The following CTNNA2 variants were observed in gnomAD, a reference collection of about 807,000 sequenced individuals.
The protein encoded by CTNNA2 is catenin alpha-2.
Under a neutral mutation model 101.0 loss-of-function variants are expected in CTNNA2, and 42 were observed. The observed-to-expected ratio is 0.42, with a 90% CI of 0.32 to 0.54. The LOEUF is 0.54. CTNNA2 is among the 20% of genes least tolerant of loss of function. The pLI is 0.14. For synonymous variants in CTNNA2, 450 were observed against 456.4 expected (o/e 0.99, Z 0.18); for missense variants, 871 against 1,223.1 (o/e 0.71, Z 4.29).
At chr2:79,294,167 C>T (rs968827818) in intron 2 of CTNNA2, among the ~76,000 whole-genome samples, 1 of 148,188 alleles carries the variant, frequency 6.7e-6, no homozygotes, top group Non-Finnish European at 1.5e-5. Flanking sequence ...CCTCGCATGG[C>T]AGACAGAGAG....
chr2:80,447,544 GA>G (rs1376616899), intron 9 of CTNNA2, among the ~76,000 whole-genome samples: 3 of 152,198 alleles, frequency 2.0e-5, no homozygotes, highest in Non-Finnish European at 2.9e-5. Context: ...TGTATGCACA[GA>G]TGCTCTGATA....
chr2:79,352,179 T>G (rs1399463986), intron 3 of CTNNA2, among the ~76,000 whole-genome samples: 1 of 152,218 alleles, frequency 6.6e-6, no homozygotes, highest in Admixed American at 6.5e-5. Flanking sequence ...GTCGTGATAA[T>G]TAGCATTTTT....
intron 7 of CTNNA2, among the ~76,000 whole-genome samples, chr2:79,956,627 T>C (rs1177154195): frequency 6.6e-6 from 1 of 152,162 alleles, no homozygotes; most frequent in Non-Finnish European, 1.5e-5. Flanking sequence ...AGAGAGAATT[T>C]ATCGAACCCA....
rs529334117 is a variant in CTNNA2, at chr2:80,102,087, C to A, written c.1056+192290C>A. Among the ~76,000 whole-genome samples the A allele has an allele frequency of 1.6e-4, 25 of 152,290 alleles. No individual in the cohort carries two copies. In the East Asian group the frequency reaches 1.9e-3, roughly 12 times the overall value. On this transcript the variant is annotated intron_variant, in intron 7 of 18. Coordinates refer to ENST00000402739, the MANE Select transcript of CTNNA2 (RefSeq NM_001282597.3). ...GGCACCATGTGTGTGTGGCTTTGCT[C>A]CCTCTTGAGTTGCAGTCTCTCTGAC...
intron 1 of CTNNA2, among the ~76,000 whole-genome samples, chr2:79,194,848 T>A (rs1673938364): frequency 6.6e-6 from 1 of 152,238 alleles, no homozygotes; most frequent in Non-Finnish European, 1.5e-5. Context: ...GGATTATGTT[T>A]GGCAGTGGAA....
At chr2:79,332,802 A>G (rs1427835690) in intron 3 of CTNNA2, among the ~76,000 whole-genome samples, 2 of 152,170 alleles carry the variant, frequency 1.3e-5, no homozygotes, top group Non-Finnish European at 2.9e-5. Flanking sequence ...TCGGAATAGT[A>G]TAGATCCTGG....
In CTNNA2 at chr2:80,647,581, C is replaced by G. The variant is rs530005496; in HGVS notation, c.2575-4C>G. ...ACATGTATCTCATTCTTTTCCTACTCTAGCTGGACAGTGCCACATCGCTTA... is the reference window on the plus strand; with the variant it reads ...ACATGTATCTCATTCTTTTCCTACTGTAGCTGGACAGTGCCACATCGCTTA... On this transcript the variant is annotated splice_region_variant and splice_polypyrimidine_tract_variant and intron_variant, in intron 18 of 18. Coordinates refer to ENST00000402739, the MANE Select transcript of CTNNA2 (RefSeq NM_001282597.3). 373 of 1,602,754 alleles carry G rather than the reference C, an allele frequency of 2.3e-4. 6 individuals carry two copies. The South Asian group carries it at 4.1e-3, about 17-fold the overall frequency.
intron 3 of CTNNA2, among the ~76,000 whole-genome samples, chr2:79,362,268 C>G (rs1219923317): frequency 6.6e-6 from 1 of 152,156 alleles, no homozygotes; most frequent in Non-Finnish European, 1.5e-5. Context: ...TATTCCAGCT[C>G]ACGGTCATAG....
At chr2:79,699,325 A>T (rs185275495) in intron 2 of CTNNA2, among the ~76,000 whole-genome samples, 1 of 152,116 alleles carries the variant, frequency 6.6e-6, no homozygotes, top group African/African-American at 2.4e-5. Flanking sequence ...ATTCATTAAT[A>T]AGATGAGGAT....
chr2:80,300,167 C>T (rs913068022), intron 7 of CTNNA2, among the ~76,000 whole-genome samples: 1 of 152,038 alleles, frequency 6.6e-6, no homozygotes, highest in East Asian at 1.9e-4. Flanking sequence ...TCTTCTAGAA[C>T]ACTAATAGTC....
intron 7 of CTNNA2, among the ~76,000 whole-genome samples, chr2:80,284,099 C>T (rs886445260): frequency 1.3e-5 from 2 of 152,116 alleles, no homozygotes; most frequent in Non-Finnish European, 2.9e-5. Flanking sequence ...AAGCATTATA[C>T]ATTTAGCGGG....
At chr2:79,250,431 T>C (rs1674755592) in intron 2 of CTNNA2, among the ~76,000 whole-genome samples, 1 of 152,104 alleles carries the variant, frequency 6.6e-6, no homozygotes, top group Non-Finnish European at 1.5e-5. Context: ...TGGGTTTACT[T>C]GGAAAGGGTT....
chr2:80,472,248 T>C (rs1453896804), intron 9 of CTNNA2, among the ~76,000 whole-genome samples: 1 of 152,154 alleles, frequency 6.6e-6, no homozygotes, highest in Non-Finnish European at 1.5e-5. Context: ...AGGATGATTA[T>C]GGTGATCCTG....
intron 1 of CTNNA2, among the ~76,000 whole-genome samples, chr2:79,583,678 G>T (rs1010780810): frequency 3.9e-5 from 6 of 151,956 alleles, no homozygotes. Flanking sequence ...CTACATCTTT[G>T]CCAGTACTTG....
At chr2:79,952,864 T>G (rs1231162446) in intron 7 of CTNNA2, among the ~76,000 whole-genome samples, 3 of 152,336 alleles carry the variant, frequency 2.0e-5, no homozygotes, top group Middle Eastern at 3.4e-3. Context: ...TCTGGTTCTA[T>G]GGAGAAACAG....
chr2:79,681,223 T>C (rs910485299), intron 2 of CTNNA2, among the ~76,000 whole-genome samples: 4 of 152,196 alleles, frequency 2.6e-5, no homozygotes, highest in African/African-American at 9.6e-5. Context: ...TCTACTAATT[T>C]TTTTAGAGGG....
intron 4 of CTNNA2, among the ~76,000 whole-genome samples, chr2:79,440,291 G>A (rs933369749): frequency 7.2e-5 from 11 of 152,220 alleles, no homozygotes; most frequent in Middle Eastern, 3.4e-3. Flanking sequence ...TGGCAGTAAC[G>A]TAGAAAGGAA....
intron 2 of CTNNA2, among the ~76,000 whole-genome samples, chr2:79,203,192 G>T (rs1302117757): frequency 6.6e-6 from 1 of 152,094 alleles, no homozygotes; most frequent in Admixed American, 6.6e-5. Context: ...CTCTTTGAAA[G>T]TTGGCAGTCC....
At chr2:80,470,278 GGCAGCT>G (rs1269673095) in intron 9 of CTNNA2, among the ~76,000 whole-genome samples, 2 of 152,148 alleles carry the variant, frequency 1.3e-5, no homozygotes, top group African/African-American at 2.4e-5. Flanking sequence ...GTGGTCAAAG[GGCAGCT>G]GTTGGGAAGA....
Sources: allele counts gnomAD v4.1 joint callset (sites outside exome capture counted in the v4.1 genomes callset), GRCh38; gene constraint gnomAD v4.1.1; transcripts MANE v1.5; gene names NCBI Gene and HGNC (gene_info 2026-07-23, HGNC 2026-07-21).